The following ACOT6 variants were observed in gnomAD, a reference collection of about 807,000 sequenced individuals.
ACOT6 encodes acyl-coenzyme A thioesterase 6.
Under a neutral mutation model 12.3 loss-of-function variants are expected in ACOT6, and 14 were observed. That is an observed-to-expected ratio of 1.14 (90% CI 0.75 to 1.78). The LOEUF (loss-of-function observed/expected upper bound fraction) is 1.78, where lower values mean the gene tolerates loss of function less well. ACOT6 is among the 40% of genes most tolerant of loss of function. The pLI, the probability that ACOT6 is intolerant of heterozygous loss-of-function variation, is 0.00. For synonymous variants in ACOT6, 218 were observed against 231.3 expected, an observed-to-expected ratio of 0.94 and a Z score of 0.52; for missense variants, 523 against 551.8, an observed-to-expected ratio of 0.95 and a Z score of 0.52.
intron 2 of ACOT6, 62 bp downstream of exon 2, chr14:73,617,254 C>G (rs1283662067): frequency 6.3e-7 from 1 of 1,597,108 alleles, no homozygotes; most frequent in African/African-American, 1.3e-5. Flanking sequence ...AGGGCTGAAT[C>G]CAAAAGCCCT....
In ACOT6 at chr14:73,612,754, C is replaced by T; in HGVS notation, c.183C>T (p.Asp61=). Reference sequence around the variant, plus strand: ...GTGCCGACGCCCGCGACGAGCTGGACCTGGAGCGCGCGCCCGCGCTGGGAG... The same window carrying T: ...GTGCCGACGCCCGCGACGAGCTGGATCTGGAGCGCGCGCCCGCGCTGGGAG... ...RYRADARDEL[D]LERAPALGGS... Residue 61 remains aspartate (D), a synonymous_variant, in exon 1 of 3, where the codon GAC becomes GAT. Coordinates refer to ENST00000645972, the MANE Select transcript of ACOT6 (RefSeq NM_001365788.1). 21 of 1,375,594 alleles carry T rather than the reference C, an allele frequency of 1.5e-5. No individual in the cohort carries two copies. Among genetic ancestry groups the T allele is most frequent in the Non-Finnish European group, 2.0e-5 (21 of 1,073,470 alleles). 85.2% of individuals were successfully genotyped at this position (1,375,594 alleles called of 1,614,324 possible).
chr14:73,615,877 G>A (rs1471826163), intron 1 of ACOT6, among the ~76,000 whole-genome samples: 2 of 152,186 alleles, frequency 1.3e-5, no homozygotes, highest in Non-Finnish European at 1.5e-5. Context: ...ACTAGCCCAG[G>A]CAGCATAGTG....
intron 2 of ACOT6, among the ~76,000 whole-genome samples, chr14:73,619,002 C>A (rs1043270450): frequency 6.6e-6 from 1 of 151,830 alleles, no homozygotes; most frequent in East Asian, 1.9e-4. Flanking sequence ...TGGTGGTGGG[C>A]GCCTGTAATC....
chr14:73,613,316 C>T (rs1176442897), intron 1 of ACOT6, among the ~76,000 whole-genome samples: 1 of 152,008 alleles, frequency 6.6e-6, no homozygotes, highest in African/African-American at 2.4e-5. Context: ...CTGGAGGCAC[C>T]ACCACTTTAG....
chr14:73,612,764 G>C lies in ACOT6; in HGVS notation c.193G>C (p.Ala65Pro), dbSNP rs2139995384. 2 of 1,369,452 alleles carry C rather than the reference G, an allele frequency of 1.5e-6. No homozygotes were observed. Among genetic ancestry groups the C allele is most frequent in the Non-Finnish European group, 1.9e-6 (2 of 1,069,102 alleles). 84.8% of individuals were successfully genotyped at this position (1,369,452 alleles called of 1,614,324 possible). The change falls in exon 1 of 3, where the codon GCG becomes CCG. Residue 65 changes from alanine (A) to proline (P), a missense_variant. By Grantham distance (27) the Ala-to-Pro change is conservative (BLOSUM62 -1). Coordinates refer to ENST00000645972, the MANE Select transcript of ACOT6 (RefSeq NM_001365788.1). ...DARDELDLER[A>P]PALGGSFAGL... Reference sequence around the variant, plus strand: ...CCGCGACGAGCTGGACCTGGAGCGCGCGCCCGCGCTGGGAGGCAGCTTCGC... The same window carrying C: ...CCGCGACGAGCTGGACCTGGAGCGCCCGCCCGCGCTGGGAGGCAGCTTCGC...
intron 1 of ACOT6, among the ~76,000 whole-genome samples, chr14:73,613,309 G>A (rs992911946): frequency 1.3e-5 from 2 of 152,030 alleles, no homozygotes; most frequent in African/African-American, 4.8e-5. Context: ...TCCCTCCCTG[G>A]AGGCACCACC....
intron 2 of ACOT6, among the ~76,000 whole-genome samples, chr14:73,617,396 C>T (rs976530661): frequency 6.6e-6 from 1 of 152,190 alleles, no homozygotes; most frequent in Admixed American, 6.5e-5. Context: ...CGGGGGATTG[C>T]TTGACCCCAG....
At position 73,612,638 on chromosome 14, in the gene ACOT6, G is replaced by A. The variant is rs1387670204; in HGVS notation, c.67G>A (p.Val23Met). 3.3e-5 allele frequency: 46 copies of A among 1,404,196 alleles called. No homozygotes were observed. The highest frequency in any genetic ancestry group is 6.0e-5 in the African/African-American group (4 of 66,372). The allele number at this position is 1,404,196 out of a possible 1,614,324, so 87.0% of individuals were successfully genotyped here. A position where few individuals can be genotyped will look rare whatever the true frequency, so the allele number is the denominator to read the frequency against. ...CTGGGACGAGCCGCTGCGCATCGCA[G>A]TGCGCGGCCTGGCCCCGGAGCAGCC... Reference protein sequence around the residue: ...CCWDEPLRIAVRGLAPEQPVT... With the variant: ...CCWDEPLRIAMRGLAPEQPVT... The change falls in exon 1 of 3, where the codon GTG (valine) becomes ATG (methionine). Residue 23 changes from valine (V) to methionine (M), a missense_variant. By Grantham distance (21) the Val-to-Met change is conservative. Transcript: ENST00000645972.
rs1057402656 is a variant in ACOT6, at chr14:73,612,584, C to G, written c.13C>G (p.Leu5Val). The change falls in exon 1 of 3, where the codon CTG becomes GTG. Residue 5 changes from leucine (L) to valine (V), a missense_variant. Physicochemically the swap from Leu to Val is conservative, Grantham distance 32 (BLOSUM62 1). Transcript: ENST00000645972. Reference protein sequence around the residue: MAATLILEPAGRCCW... With the variant: MAATVILEPAGRCCW... ...TACCCAGATTGGGATGGCAGCGACG[C>G]TGATCCTGGAGCCCGCGGGCCGCTG... 17 of 1,407,068 alleles carry G rather than the reference C, an allele frequency of 1.2e-5. No homozygotes were observed. The Admixed American group carries it at 4.0e-4, about 33-fold the overall frequency. The allele number at this position is 1,407,068 out of a possible 1,614,324, so 87.2% of individuals were successfully genotyped here.
At chr14:73,612,387 G>A (rs1890457196), upstream of ACOT6, 1 of 425,054 alleles carries the variant, frequency 2.4e-6, no homozygotes, top group Non-Finnish European at 4.0e-6. Flanking sequence ...TTTCATTTGG[G>A]ACACTGGTGT....
intron 1 of ACOT6, 43 bp from the exon 2 acceptor site, chr14:73,616,951 G>C (rs1440251303): frequency 1.8e-5 from 11 of 608,058 alleles, no homozygotes; most frequent in Non-Finnish European, 2.9e-5. Context: ...ACTGTCTTTT[G>C]AGAAACTAAA....
Position 73,612,650 on chromosome 14 carries a change from GC to G in ACOT6, c.83del (p.Pro28ArgfsTer67). ...EPLRIAVRGL[A>X]PEQPVTLRTS... ...GCTGCGCATCGCAGTGCGCGGCCTG[GC>G]CCCGGAGCAGCCAGTCACGCTGCGC... On this transcript the variant is annotated frameshift_variant, in exon 1 of 3. Coordinates refer to ENST00000645972, the MANE Select transcript of ACOT6 (RefSeq NM_001365788.1). LOFTEE classifies it high-confidence loss of function. 4 of 1,407,058 alleles carry G rather than the reference GC, an allele frequency of 2.8e-6. No individual in the cohort carries two copies. Among genetic ancestry groups the G allele is most frequent in the Non-Finnish European group, 3.7e-6 (4 of 1,082,100 alleles). 87.2% of individuals were successfully genotyped at this position (1,407,058 alleles called of 1,614,324 possible).
chr14:73,618,754 T>C lies in ACOT6; in HGVS notation c.661-480T>C, dbSNP rs149599297. ...TAAATATTAGGGGATGACCCATTAC[T>C]AGGAAATCAGTTGATTTGCTTATTA... On this transcript the variant is annotated intron_variant, in intron 2 of 2. Transcript: ENST00000645972. Among the ~76,000 whole-genome samples the C allele has an allele frequency of 1.6e-3, 242 of 152,316 alleles. 1 individual carries two copies. The highest frequency in any genetic ancestry group is 5.4e-3 in the African/African-American group (226 of 41,564).
At chr14:73,613,180 C>T in intron 1 of ACOT6, 148 bp downstream of exon 1, 1 of 459,356 alleles carries the variant, frequency 2.2e-6, no homozygotes, top group African/African-American at 2.1e-5. Context: ...CGCTGTTGCC[C>T]AGGCTGGAGT....
At position 73,619,500 on chromosome 14, in the gene ACOT6, TCCATTGGAAAAGGCGCAGGTGC is replaced by T; in HGVS notation, c.930_951del (p.Leu311SerfsTer20). ...AGGAACACAATCACCAAAGTCTTGT[TCCATTGGAAAAGGCGCAGGTGC>T]CCTTCTTGTTTATTGTTGGCATGGA... On this transcript the variant is annotated frameshift_variant, in exon 3 of 3. Coordinates refer to ENST00000645972, the MANE Select transcript of ACOT6 (RefSeq NM_001365788.1). LOFTEE classifies it low-confidence loss of function (END_TRUNC). 1 of 1,614,204 alleles carries T rather than the reference TCCATTGGAAAAGGCGCAGGTGC, an allele frequency of 6.2e-7. No individual in the cohort carries two copies. Among genetic ancestry groups the T allele is most frequent in the Non-Finnish European group, 8.5e-7 (1 of 1,180,036 alleles).
Position 73,619,587 on chromosome 14 carries a change from C to T in ACOT6, c.1014C>T (p.Ala338=). 1 of 1,614,176 alleles carries T rather than the reference C, an allele frequency of 6.2e-7. No individual in the cohort carries two copies. The highest frequency in any genetic ancestry group is 8.5e-7 in the Non-Finnish European group (1 of 1,180,038). The change falls in exon 3 of 3, where the codon GCC becomes GCT. Residue 338 remains alanine, a synonymous_variant. Transcript: ENST00000645972. ...SWKSEFYAQI[A]SERLQAHGKE... is the part of the protein sequence containing the mutation. ...AGAGTGAATTCTATGCTCAGATAGC[C>T]TCTGAAAGGCTACAAGCTCATGGGA...
intron 2 of ACOT6, among the ~76,000 whole-genome samples, chr14:73,618,443 G>C (rs1890576366): frequency 6.6e-6 from 1 of 151,134 alleles, no homozygotes; most frequent in African/African-American, 2.5e-5. Flanking sequence ...ACATATGTGT[G>C]AGAGGCCCCT....
chr14:73,619,110 A>G, intron 2 of ACOT6, 124 bp from the exon 3 acceptor site: 1 of 1,263,124 alleles, frequency 7.9e-7, no homozygotes, highest in Non-Finnish European at 1.1e-6. Flanking sequence ...AGCCTGGGTG[A>G]CAGAGCGAGA....
In ACOT6 at chr14:73,619,735, C is replaced by G. The variant is rs1452468281; in HGVS notation, c.1162C>G (p.Pro388Ala). The G allele has an allele frequency of 6.2e-7, 1 of 1,614,058 alleles. No homozygotes were observed. Among genetic ancestry groups the G allele is most frequent in the Non-Finnish European group, 8.5e-7 (1 of 1,179,978 alleles). ...TGAGGCAATATTCTATGGAGGTGAGCCAAAGGCTCACTCAAAGGCACAGGT... is the reference window on the plus strand; with the variant it reads ...TGAGGCAATATTCTATGGAGGTGAGGCAAAGGCTCACTCAAAGGCACAGGT... ...LGEAIFYGGEPKAHSKAQVDA... is the reference protein window; with the variant it reads ...LGEAIFYGGEAKAHSKAQVDA... The change falls in exon 3 of 3, where the codon CCA (proline) becomes GCA (alanine). Residue 388 changes from proline to alanine, a missense_variant. This residue lies in a region of ACOT6 where 219 missense variants were observed against 277.0 expected (regional missense o/e 0.79). Coordinates refer to ENST00000645972, the MANE Select transcript of ACOT6 (RefSeq NM_001365788.1).
Sources: gnomAD v4.1 joint callset for allele counts (sites outside exome capture counted in the v4.1 genomes callset) on GRCh38, gnomAD v4.1.1 for gene constraint, gnomAD v4.1.1 regional missense constraint, MANE v1.5 for transcripts, NCBI Gene and HGNC (gene_info 2026-07-23, HGNC 2026-07-21) for gene names.